Variants in ITGA9 observed in about 807,000 individuals in gnomAD.
ITGA9 encodes integrin alpha-9.
In ITGA9, 56 loss-of-function variants were observed where a neutral mutation model predicts 127.8. The observed-to-expected ratio is 0.44, with a 90% CI of 0.35 to 0.55. The LOEUF is 0.55. ITGA9 is among the 20% of genes least tolerant of loss of function. The pLI is 0.00. For missense variants in ITGA9, 1,196 were observed against 1,347.1 expected, an observed-to-expected ratio of 0.89 and a Z score of 1.76; for synonymous variants, 508 against 514.5, an observed-to-expected ratio of 0.99 and a Z score of 0.17.
Position 37,821,133 on chromosome 3 carries a change from A to C in ITGA9, c.*2144A>C, listed in dbSNP as rs1697509495. The C allele has an allele frequency of 6.6e-6, 1 of 152,174 alleles. No individual in the cohort carries two copies. The highest frequency in any genetic ancestry group is 6.5e-5 in the Admixed American group (1 of 15,284). The allele number at this position is 152,174 out of a possible 1,614,324, so 9.4% of individuals were successfully genotyped here. A position where few individuals can be genotyped will look rare whatever the true frequency, so the allele number is the denominator to read the frequency against. On this transcript the variant is annotated 3_prime_UTR_variant, in exon 28 of 28. Transcript: ENST00000264741. ...ACATGGGAATAGACCAAAAAAATCA[A>C]GGGTCAATGGCATGAACTAAGCTGA...
chr3:37,472,645 C>G (rs1698445787), intron 2 of ITGA9, among the ~76,000 whole-genome samples: 1 of 152,188 alleles, frequency 6.6e-6, no homozygotes, highest in Non-Finnish European at 1.5e-5. Context: ...AACCGCCCAC[C>G]TCAGCCTCCC....
intron 2 of ITGA9, among the ~76,000 whole-genome samples, chr3:37,471,739 T>G (rs1698433531): frequency 6.6e-6 from 1 of 152,152 alleles, no homozygotes; most frequent in African/African-American, 2.4e-5. Context: ...GGGAAAGATA[T>G]GATCAGATGG....
intron 15 of ITGA9, among the ~76,000 whole-genome samples, chr3:37,558,418 C>T (rs1004619645): frequency 5.3e-5 from 8 of 152,172 alleles, no homozygotes; most frequent in African/African-American, 1.9e-4. Flanking sequence ...GCATTCGGGG[C>T]ACTGTCTTAC....
chr3:37,687,788 C>T (rs1233901254), intron 18 of ITGA9, among the ~76,000 whole-genome samples: 1 of 152,142 alleles, frequency 6.6e-6, no homozygotes, highest in Non-Finnish European at 1.5e-5. Flanking sequence ...AGGCTATTAC[C>T]TCTTCCAGTT....
intron 15 of ITGA9, among the ~76,000 whole-genome samples, chr3:37,561,329 G>A (rs1023876381): frequency 6.6e-6 from 1 of 152,160 alleles, no homozygotes; most frequent in Non-Finnish European, 1.5e-5. Context: ...TTAGGCACAC[G>A]TGGGTAGTGG....
At chr3:37,473,136 C>CAA (rs36109791) in intron 2 of ITGA9, among the ~76,000 whole-genome samples, 1,348 of 70,726 alleles carry the variant, frequency 0.019, 60 homozygotes, top group African/African-American at 0.071. Context: ...GAGACTGTCT[C>CAA]AAAAAAAAAA....
chr3:37,510,157 A>G (rs1227567166), intron 8 of ITGA9, among the ~76,000 whole-genome samples: 1 of 150,982 alleles, frequency 6.6e-6, no homozygotes, highest in Non-Finnish European at 1.5e-5. Flanking sequence ...ATGTGCCACC[A>G]TGCCCAGCAA....
At chr3:37,622,390 T>C (rs1369050261) in intron 15 of ITGA9, among the ~76,000 whole-genome samples, 1 of 152,078 alleles carries the variant, frequency 6.6e-6, no homozygotes, top group East Asian at 1.9e-4. Context: ...TGCCCAGCCT[T>C]GTTTACTTTT....
intron 15 of ITGA9, among the ~76,000 whole-genome samples, chr3:37,546,002 A>G (rs1485664953): frequency 6.6e-6 from 1 of 152,148 alleles, no homozygotes; most frequent in African/African-American, 2.4e-5. Flanking sequence ...CATGATTTTT[A>G]CATTTTTTTG....
intron 15 of ITGA9, among the ~76,000 whole-genome samples, chr3:37,620,654 G>T (rs1700119184): frequency 6.6e-6 from 1 of 152,134 alleles, no homozygotes; most frequent in South Asian, 2.1e-4. Context: ...TTGTCGCTTT[G>T]CCTGGTCCTG....
intron 18 of ITGA9, among the ~76,000 whole-genome samples, chr3:37,706,114 A>T (rs916046717): frequency 1.3e-5 from 2 of 152,330 alleles, no homozygotes; most frequent in African/African-American, 2.4e-5. Flanking sequence ...TTGGCTTTGC[A>T]GAGTGAGGAC....
intron 26 of ITGA9, among the ~76,000 whole-genome samples, chr3:37,787,288 A>C (rs964713551): frequency 3.2e-5 from 1 of 31,714 alleles, no homozygotes; most frequent in Middle Eastern, 0.019. Context: ...TGTGTAGATG[A>C]AAAAAAAAAA....
At chr3:37,568,875 C>G (rs1046047233) in intron 15 of ITGA9, among the ~76,000 whole-genome samples, 3 of 152,228 alleles carry the variant, frequency 2.0e-5, no homozygotes, top group African/African-American at 7.2e-5. Flanking sequence ...CTGTCTTCTT[C>G]TGAACCCTCC....
intron 15 of ITGA9, among the ~76,000 whole-genome samples, chr3:37,592,144 C>A (rs1033100670): frequency 6.6e-6 from 1 of 152,194 alleles, no homozygotes; most frequent in African/African-American, 2.4e-5. Flanking sequence ...TCTCCCTTTA[C>A]ACCAGTTTTT....
chr3:37,799,003 T>C lies in ITGA9; in HGVS notation c.2890-4820T>C, dbSNP rs913078770. Among the ~76,000 whole-genome samples, 1 of 152,224 alleles carries C rather than the reference T, an allele frequency of 6.6e-6. No homozygotes were observed. The highest frequency in any genetic ancestry group is 1.5e-5 in the Non-Finnish European group (1 of 68,038). On this transcript the variant is annotated intron_variant, in intron 26 of 27. Transcript: ENST00000264741. This position sits in a 1 kb window ranked among gnomAD's most constrained non-coding sequence, Gnocchi z 4.0. ...TGTGATTGACCATAGTTTACTTATC[T>C]ATTGCCCTAATGTTAGACACTTAGG...
intron 23 of ITGA9, among the ~76,000 whole-genome samples, chr3:37,764,466 TAA>T (rs10694316): frequency 1.3e-5 from 1 of 74,652 alleles, no homozygotes; most frequent in Non-Finnish European, 2.4e-5. Flanking sequence ...AGATTCTCAG[TAA>T]AAAAAAAAAA....
rs371440749 is a variant in ITGA9 at position 37,777,501 on chromosome 3, C to A, written c.2651C>A (p.Ser884Tyr). 7 of 1,614,022 alleles carry A rather than the reference C, an allele frequency of 4.3e-6. No individual in the cohort carries two copies. Among genetic ancestry groups the A allele is most frequent in the Non-Finnish European group, 5.9e-6 (7 of 1,180,018 alleles). Residue 884 changes from serine to tyrosine, a missense_variant, in exon 24 of 28, where the codon TCT (serine) becomes TAT (tyrosine). Ser to Tyr is a moderately radical substitution (Grantham distance 144, BLOSUM62 -2). Coordinates refer to ENST00000264741, the MANE Select transcript of ITGA9 (RefSeq NM_002207.3). ...FHTIFAFFTKSGRKVLDCEKP... is the reference protein window; with the variant it reads ...FHTIFAFFTKYGRKVLDCEKP... ...ACAATATTTGCTTTTTTCACAAAGT[C>A]TGGAAGAAAAGTCTTGGTAAGGATT...
intron 15 of ITGA9, among the ~76,000 whole-genome samples, chr3:37,601,149 CT>C (rs1699919094): frequency 6.6e-6 from 1 of 152,196 alleles, no homozygotes; most frequent in Admixed American, 6.5e-5. Context: ...ACTCCTTTCC[CT>C]CGTACCTCCT....
In ITGA9 at chr3:37,477,465, T is replaced by C. The variant is rs1698505546; in HGVS notation, c.420+4005T>C. Reference sequence around the variant, plus strand: ...GGCAAGGACCAGATTGTCAGGCTGGTCTGGCAGGTTGACCTTGGCTTAGTG... The same window carrying C: ...GGCAAGGACCAGATTGTCAGGCTGGCCTGGCAGGTTGACCTTGGCTTAGTG... On this transcript the variant is annotated intron_variant, in intron 3 of 27. Transcript: ENST00000264741. 2.6e-5 allele frequency among the ~76,000 whole-genome samples: 4 copies of C among 152,244 alleles called. No individual in the cohort carries two copies. The South Asian group carries it at 8.3e-4, about 31-fold the overall frequency.
Sources: allele counts gnomAD v4.1 joint callset (sites outside exome capture counted in the v4.1 genomes callset), GRCh38; gene constraint gnomAD v4.1.1; non-coding constraint Gnocchi (gnomAD v3.1); transcripts MANE v1.5; gene names NCBI Gene and HGNC (gene_info 2026-07-23, HGNC 2026-07-21).